The following CADPS variants were observed in gnomAD, a reference collection of about 807,000 sequenced individuals.
The protein encoded by CADPS is calcium dependent secretion activator, also known as calcium-dependent secretion activator 1.
In CADPS, 57 loss-of-function variants were observed where a neutral mutation model predicts 167.3. The observed-to-expected ratio is 0.34, with a 90% CI of 0.28 to 0.42. CADPS has a LOEUF of 0.42. CADPS is among the 20% of genes least tolerant of loss of function. CADPS has a pLI of 1.00. For missense variants in CADPS, 1,414 were observed against 1,738.1 expected, an observed-to-expected ratio of 0.81 and a Z score of 3.32; for synonymous variants, 676 against 635.3, an observed-to-expected ratio of 1.06 and a Z score of -0.96.
chr3:62,686,626 G>C (rs574247296), intron 3 of CADPS, among the ~76,000 whole-genome samples: 2 of 152,058 alleles, frequency 1.3e-5, no homozygotes, highest in East Asian at 3.9e-4. Flanking sequence ...TTTCATAATA[G>C]CATGTACTTA....
Position 62,874,389 on chromosome 3 carries a change from C to A in CADPS, c.441+200G>T, listed in dbSNP as rs1174280319. Among the ~76,000 whole-genome samples the A allele has an allele frequency of 1.3e-5, 2 of 152,180 alleles. No homozygotes were observed. The highest frequency in any genetic ancestry group is 1.5e-5 in the Non-Finnish European group (1 of 68,036). ...CGCGGCCCTCGCCGGTCCCAGTCAG[C>A]TCCAGGAGCGCTCCAGGCTGGGTTG... is the stretch of plus-strand genomic sequence containing the variant. On this transcript the variant is annotated intron_variant, in intron 1 of 29. Transcript: ENST00000383710. This position sits in a 1 kb window ranked among gnomAD's most constrained non-coding sequence, Gnocchi z 7.1.
intron 3 of CADPS, among the ~76,000 whole-genome samples, chr3:62,702,955 G>A (rs1245764539): frequency 1.3e-5 from 2 of 152,102 alleles, no homozygotes; most frequent in Non-Finnish European, 2.9e-5. Flanking sequence ...CTGAGGCACA[G>A]AGAGGTGAAG....
intron 21 of CADPS, among the ~76,000 whole-genome samples, chr3:62,482,634 G>C (rs2062178408): frequency 6.6e-6 from 1 of 152,194 alleles, no homozygotes; most frequent in South Asian, 2.1e-4. Context: ...TTCAGCTCTT[G>C]TATTAGACTC....
intron 23 of CADPS, among the ~76,000 whole-genome samples, chr3:62,477,353 G>C (rs183189988): frequency 6.7e-6 from 1 of 150,294 alleles, no homozygotes; most frequent in East Asian, 2.0e-4. Flanking sequence ...TAATGCAACA[G>C]TTATGAACTA....
At chr3:62,457,076 A>G (rs2058778227) in intron 26 of CADPS, among the ~76,000 whole-genome samples, 2 of 152,220 alleles carry the variant, frequency 1.3e-5, no homozygotes, top group South Asian at 4.1e-4. Flanking sequence ...CTCTTAGTTC[A>G]GCAATTTACA....
At chr3:62,805,672 A>G (rs1332289864) in intron 1 of CADPS, among the ~76,000 whole-genome samples, 1 of 152,100 alleles carries the variant, frequency 6.6e-6, no homozygotes, top group East Asian at 1.9e-4. Context: ...TTACTTCCCT[A>G]GATCCATTCT....
intron 29 of CADPS, among the ~76,000 whole-genome samples, chr3:62,402,581 A>G (rs1417518394): frequency 1.3e-5 from 2 of 152,226 alleles, no homozygotes; most frequent in Non-Finnish European, 2.9e-5. Context: ...TTTACATTTG[A>G]TTGTATACAC....
chr3:62,725,650 G>A (rs923961503), intron 3 of CADPS, among the ~76,000 whole-genome samples: 1 of 149,746 alleles, frequency 6.7e-6, no homozygotes, highest in African/African-American at 2.6e-5. Flanking sequence ...TGGTATACAG[G>A]AAACACCGGT....
At chr3:62,584,955 G>A (rs569382645) in intron 8 of CADPS, among the ~76,000 whole-genome samples, 5 of 152,144 alleles carry the variant, frequency 3.3e-5, no homozygotes, top group South Asian at 2.1e-4. Context: ...CCTAGAAACC[G>A]TATTAGAGAA....
intron 1 of CADPS, chr3:62,796,424 T>C (rs968725746): frequency 2.0e-5 from 3 of 152,302 alleles, no homozygotes; most frequent in African/African-American, 7.2e-5. Flanking sequence ...TGTGGCTTAT[T>C]TGAATTTTTA....
At position 62,465,249 on chromosome 3, in the gene CADPS, T is replaced by C. The variant is rs1287522910; in HGVS notation, c.3636+118A>G. ...ACATAGTGTTAATATTATACAATAG[T>C]TGACTATAATTAACACACACACCCA... On this transcript the variant is annotated intron_variant, in intron 26 of 29. Transcript: ENST00000383710. The surrounding 1 kb of genome is among the most constrained non-coding windows in gnomAD (Gnocchi z 4.1). The C allele has an allele frequency of 1.5e-6, 1 of 659,290 alleles. No homozygotes were observed. Among genetic ancestry groups the C allele is most frequent in the African/African-American group, 1.8e-5 (1 of 55,596 alleles). 40.8% of individuals were successfully genotyped at this position (659,290 alleles called of 1,614,324 possible). A position where few individuals can be genotyped will look rare whatever the true frequency, so the allele number is the denominator to read the frequency against.
intron 3 of CADPS, among the ~76,000 whole-genome samples, chr3:62,695,860 C>A (rs761967586): frequency 1.3e-5 from 2 of 152,012 alleles, no homozygotes; most frequent in Non-Finnish European, 2.9e-5. Context: ...GGCCCCCAAA[C>A]CTGTTTTTGG....
chr3:62,822,225 G>C (rs1284155579), intron 1 of CADPS, among the ~76,000 whole-genome samples: 1 of 152,196 alleles, frequency 6.6e-6, no homozygotes, highest in Non-Finnish European at 1.5e-5. Context: ...ACACAAAGCA[G>C]AGGGGATTAT....
At chr3:62,475,584 GAAAAAAAAAAA>G (rs34263556) in intron 23 of CADPS, among the ~76,000 whole-genome samples, 907 of 55,982 alleles carry the variant, frequency 0.016, 11 homozygotes, top group African/African-American at 0.06. Flanking sequence ...CAGTTCTTAA[GAAAAAAAAAAA>G]AAAAAAAAAA....
intron 6 of CADPS, among the ~76,000 whole-genome samples, chr3:62,605,250 C>CAACA (rs557165049): frequency 3.0e-4 from 13 of 43,060 alleles, no homozygotes; most frequent in African/African-American, 1.6e-3. Flanking sequence ...AGGGGAAAAA[C>CAACA]AAAAAAAAAA....
intron 11 of CADPS, among the ~76,000 whole-genome samples, chr3:62,538,926 G>A (rs1479735497): frequency 6.6e-6 from 1 of 152,090 alleles, no homozygotes; most frequent in Non-Finnish European, 1.5e-5. Flanking sequence ...CATCACAATG[G>A]CTCAATGAAT....
intron 3 of CADPS, among the ~76,000 whole-genome samples, chr3:62,733,318 G>T (rs1347490661): frequency 6.6e-6 from 1 of 152,212 alleles, no homozygotes; most frequent in African/African-American, 2.4e-5. Context: ...AAAGATGCCA[G>T]AAGAGCGTCT....
At chr3:62,463,504 G>A (rs1454470794) in intron 26 of CADPS, among the ~76,000 whole-genome samples, 1 of 152,160 alleles carries the variant, frequency 6.6e-6, no homozygotes, top group African/African-American at 2.4e-5. Flanking sequence ...CCACTCATGT[G>A]CCCTGAATCC....
intron 9 of CADPS, among the ~76,000 whole-genome samples, chr3:62,559,524 T>C (rs2152353671): frequency 6.6e-6 from 1 of 152,150 alleles, no homozygotes; most frequent in Middle Eastern, 3.4e-3. Context: ...GATGGAGTTT[T>C]CTTCTTGTTG....
Sources: gnomAD v4.1 joint callset for allele counts (sites outside exome capture counted in the v4.1 genomes callset) on GRCh38, gnomAD v4.1.1 for gene constraint, Gnocchi (gnomAD v3.1) non-coding constraint, MANE v1.5 for transcripts, NCBI Gene and HGNC (gene_info 2026-07-23, HGNC 2026-07-21) for gene names.